Variants in CPED1 observed in about 807,000 individuals in gnomAD.
CPED1 encodes the protein cadherin like and PC-esterase domain containing 1.
In CPED1, 114 loss-of-function variants were observed where a neutral mutation model predicts 128.2. The observed-to-expected ratio is 0.89, with a 90% CI of 0.76 to 1.04. CPED1 has a LOEUF of 1.04. CPED1 is among the 50% of genes least tolerant of loss of function. The pLI is 0.00. For missense variants in CPED1, 1,211 were observed against 1,207.1 expected (o/e 1.00, Z -0.05); for synonymous variants, 462 against 426.7 (o/e 1.08, Z -1.02).
chr7:121,212,090 T>C (rs1797657343), intron 16 of CPED1, among the ~76,000 whole-genome samples: 1 of 151,954 alleles, frequency 6.6e-6, no homozygotes. Context: ...GCCAACACCT[T>C]ACTGGGCATG....
At chr7:121,077,182 C>T (rs573257684) in intron 5 of CPED1, among the ~76,000 whole-genome samples, 5 of 152,082 alleles carry the variant, frequency 3.3e-5, no homozygotes, top group African/African-American at 1.2e-4. Flanking sequence ...ATATTTTCTA[C>T]CCCCACTTTT....
intron 2 of CPED1, among the ~76,000 whole-genome samples, chr7:121,013,980 G>A (rs1232550664): frequency 1.3e-5 from 2 of 152,192 alleles, no homozygotes; most frequent in Admixed American, 6.5e-5. Flanking sequence ...GCTGTTAAAG[G>A]GCTGATATGC....
intron 16 of CPED1, among the ~76,000 whole-genome samples, chr7:121,153,866 G>T (rs1463003366): frequency 6.6e-6 from 1 of 151,860 alleles, no homozygotes; most frequent in African/African-American, 2.4e-5. Flanking sequence ...AAACCATCTG[G>T]CCTAGAATCA....
At chr7:121,172,865 G>T (rs191561780) in intron 16 of CPED1, among the ~76,000 whole-genome samples, 29 of 152,274 alleles carry the variant, frequency 1.9e-4, no homozygotes, top group Non-Finnish European at 4.0e-4. Context: ...TATGAAGAAG[G>T]CTTAGAAGAA....
chr7:121,199,749 C>A (rs531861679), intron 16 of CPED1, among the ~76,000 whole-genome samples: 1 of 146,634 alleles, frequency 6.8e-6, no homozygotes, highest in East Asian at 2.0e-4. Context: ...AAAAAAGTTT[C>A]TATTTTCTAA....
rs769710400 is a variant in CPED1 at position 121,128,488 on chromosome 7, T to TAAAGCA, written c.1407+7_1407+12dup. ...GGAAGTCTGGGACAATTCCAACTGG[T>TAAAGCA]AAAGCAAAAGTGACATTTGATTCTT... is the stretch of plus-strand genomic sequence containing the variant. On this transcript the variant is annotated splice_region_variant and intron_variant, in intron 11 of 22. Transcript: ENST00000310396. 1.1e-5 allele frequency: 17 copies of TAAAGCA among 1,480,576 alleles called. No homozygotes were observed. Among genetic ancestry groups the TAAAGCA allele is most frequent in the Admixed American group, 1.7e-5 (1 of 59,760 alleles). 91.7% of individuals were successfully genotyped at this position (1,480,576 alleles called of 1,614,324 possible).
At chr7:121,049,169 A>G (rs1793286323) in intron 4 of CPED1, among the ~76,000 whole-genome samples, 1 of 152,234 alleles carries the variant, frequency 6.6e-6, no homozygotes, top group African/African-American at 2.4e-5. Flanking sequence ...AAACTAATAA[A>G]GAAACTATTT....
intron 7 of CPED1, among the ~76,000 whole-genome samples, chr7:121,112,711 A>G (rs1286399671): frequency 1.3e-5 from 2 of 152,314 alleles, no homozygotes; most frequent in Middle Eastern, 3.4e-3. Flanking sequence ...AGAACATCAC[A>G]TGAATAAGCC....
intron 22 of CPED1, among the ~76,000 whole-genome samples, chr7:121,282,563 A>T (rs1373964058): frequency 1.3e-5 from 2 of 152,228 alleles, no homozygotes; most frequent in Admixed American, 1.3e-4. Context: ...AGAGCCTATA[A>T]GAGTAAGTAA....
At chr7:121,103,901 T>G (rs139810240) in intron 7 of CPED1, among the ~76,000 whole-genome samples, 1 of 152,274 alleles carries the variant, frequency 6.6e-6, no homozygotes, top group African/African-American at 2.4e-5. Flanking sequence ...GCTGAGATAC[T>G]TTATCTGTTA....
At chr7:121,172,661 C>CATAGATAGATAGATAGATAGATAGATAG (rs6150319) in intron 16 of CPED1, among the ~76,000 whole-genome samples, 41 of 145,312 alleles carry the variant, frequency 2.8e-4, no homozygotes, top group East Asian at 8.2e-4. Context: ...TGGATGGATA[C>CATAGATAGATAGATAGATAGATAGATAG]ATAGATAGAT....
intron 4 of CPED1, among the ~76,000 whole-genome samples, chr7:121,060,947 G>A (rs1793652057): frequency 6.6e-6 from 1 of 151,500 alleles, no homozygotes; most frequent in Non-Finnish European, 1.5e-5. Context: ...CGAGCCCCCC[G>A]GGAGGAACGA....
At chr7:121,070,562 A>T (rs1201412868) in intron 5 of CPED1, among the ~76,000 whole-genome samples, 1 of 152,138 alleles carries the variant, frequency 6.6e-6, no homozygotes, top group Non-Finnish European at 1.5e-5. Context: ...CCCTCACCCC[A>T]GTATAAGCCT....
intron 5 of CPED1, among the ~76,000 whole-genome samples, chr7:121,089,245 A>G (rs1447496366): frequency 1.3e-5 from 2 of 152,188 alleles, no homozygotes; most frequent in Non-Finnish European, 2.9e-5. Flanking sequence ...CATTGTGGCC[A>G]TTGGCTCTTG....
intron 16 of CPED1, among the ~76,000 whole-genome samples, chr7:121,215,369 A>G (rs531637724): frequency 6.6e-6 from 1 of 152,220 alleles, no homozygotes; most frequent in Non-Finnish European, 1.5e-5. Flanking sequence ...TATTATTGCA[A>G]CTGGAAAGTA....
chr7:121,122,906 A>G (rs940101521), intron 7 of CPED1, among the ~76,000 whole-genome samples: 11 of 152,196 alleles, frequency 7.2e-5, no homozygotes, highest in African/African-American at 2.7e-4. Flanking sequence ...GACATTTCCA[A>G]CTTTCATATA....
rs528197815 is a variant in CPED1 at position 121,125,131 on chromosome 7, T to A, written c.1061+658T>A. On this transcript the variant is annotated intron_variant, in intron 8 of 22. Coordinates refer to ENST00000310396, the MANE Select transcript of CPED1 (RefSeq NM_024913.5). ...ATGAATATTTAGGTATATTTTTATT[T>A]TCTATAAGAAATAAAACAGAATCCA... Among the ~76,000 whole-genome samples, 5 of 152,272 alleles carry A rather than the reference T, an allele frequency of 3.3e-5. 1 individual carries two copies. Among genetic ancestry groups the A allele is most frequent in the African/African-American group, 1.2e-4 (5 of 41,552 alleles).
chr7:121,250,324 G>A (rs1331520630), intron 18 of CPED1, among the ~76,000 whole-genome samples: 7 of 151,824 alleles, frequency 4.6e-5, no homozygotes, highest in Non-Finnish European at 8.8e-5. Context: ...TCAAAGCAGT[G>A]TGTAGAGGGA....
intron 16 of CPED1, among the ~76,000 whole-genome samples, chr7:121,151,310 A>T (rs1438034579): frequency 6.6e-6 from 1 of 152,164 alleles, no homozygotes; most frequent in Non-Finnish European, 1.5e-5. Context: ...TATCCTAGTA[A>T]CTCACAATCT....
Sources: allele counts gnomAD v4.1 joint callset (sites outside exome capture counted in the v4.1 genomes callset), GRCh38; gene constraint gnomAD v4.1.1; transcripts MANE v1.5; gene names NCBI Gene and HGNC (gene_info 2026-07-23, HGNC 2026-07-21).